The following ENOX1 variants were observed in gnomAD, a reference collection of about 807,000 sequenced individuals.
The protein encoded by ENOX1 is ecto-NOX disulfide-thiol exchanger 1, also known as candidate growth-related and time keeping constitutive hydroquinone (NADH) oxidase.
ENOX1 carries 42 observed loss-of-function variants against 82.5 expected under a neutral mutation model. The observed-to-expected ratio is 0.51, with a 90% CI of 0.40 to 0.66. The LOEUF (loss-of-function observed/expected upper bound fraction) is 0.66. Ranked by LOEUF, ENOX1 falls within the 30% of genes least tolerant of loss-of-function variation. The pLI, the probability that ENOX1 is intolerant of heterozygous loss-of-function variation, is 0.00. For synonymous variants in ENOX1, 271 were observed against 282.2 expected, an observed-to-expected ratio of 0.96 and a Z score of 0.40; for missense variants, 608 against 811.6, an observed-to-expected ratio of 0.75 and a Z score of 3.05.
chr13:43,631,188 C>T (rs1351263629), intron 2 of ENOX1, among the ~76,000 whole-genome samples: 2 of 152,038 alleles, frequency 1.3e-5, no homozygotes, highest in Admixed American at 1.3e-4. Flanking sequence ...AATGCATGTC[C>T]TTTTCCATAA....
intron 1 of ENOX1, among the ~76,000 whole-genome samples, chr13:43,758,570 T>C (rs1340819084): frequency 6.6e-6 from 1 of 152,240 alleles, no homozygotes; most frequent in Non-Finnish European, 1.5e-5. Flanking sequence ...ATCCTGACTG[T>C]GATATTGCAC....
At position 43,535,136 on chromosome 13, in the gene ENOX1, T is replaced by C. The variant is rs550768368; in HGVS notation, c.-218-50984A>G. Reference sequence around the variant, plus strand: ...CACACAATTGTCATAGAGATTACACTACAGAGTACATATAAAGTGCTTAGT... The same window carrying C: ...CACACAATTGTCATAGAGATTACACCACAGAGTACATATAAAGTGCTTAGT... On this transcript the variant is annotated intron_variant, in intron 2 of 16. Transcript: ENST00000690772. Among the ~76,000 whole-genome samples, 3 of 152,302 alleles carry C rather than the reference T, an allele frequency of 2.0e-5. No individual in the cohort carries two copies. In the East Asian group the frequency reaches 5.8e-4, roughly 29 times the overall value.
In ENOX1 at chr13:43,539,271, T is replaced by C. The variant is rs118175937; in HGVS notation, c.-218-55119A>G. On this transcript the variant is annotated intron_variant, in intron 2 of 16. Coordinates refer to ENST00000690772, the MANE Select transcript of ENOX1 (RefSeq NM_001347969.2). Reference sequence around the variant, plus strand: ...TTCTAAGTTTTTGAGATGAATGTTGTTTAATTTTTAGTCTTCCTTTGAACA... The same window carrying C: ...TTCTAAGTTTTTGAGATGAATGTTGCTTAATTTTTAGTCTTCCTTTGAACA... Among the ~76,000 whole-genome samples, 1,314 of 152,332 alleles carry C rather than the reference T, an allele frequency of 8.6e-3. 8 individuals are homozygous for C. Among genetic ancestry groups the C allele is most frequent in the Non-Finnish European group, 0.015 (990 of 68,018 alleles).
At chr13:43,346,001 C>A (rs913532925) in intron 8 of ENOX1, among the ~76,000 whole-genome samples, 2 of 152,152 alleles carry the variant, frequency 1.3e-5, no homozygotes, top group African/African-American at 4.8e-5. Context: ...GGGGGAGATG[C>A]ATGCTTGAGA....
intron 1 of ENOX1, among the ~76,000 whole-genome samples, chr13:43,706,587 T>C (rs1396207729): frequency 6.6e-6 from 1 of 151,934 alleles, no homozygotes; most frequent in East Asian, 1.9e-4. Flanking sequence ...ACAAGATTAG[T>C]TCAACATTCA....
At chr13:43,715,586 C>T (rs936164549) in intron 1 of ENOX1, among the ~76,000 whole-genome samples, 11 of 152,244 alleles carry the variant, frequency 7.2e-5, no homozygotes, top group African/African-American at 2.2e-4. Context: ...CCATTCTCCC[C>T]GTCACTTTCA....
intron 2 of ENOX1, among the ~76,000 whole-genome samples, chr13:43,554,285 G>A (rs1490439938): frequency 6.6e-6 from 1 of 152,134 alleles, no homozygotes; most frequent in Non-Finnish European, 1.5e-5. Flanking sequence ...GCAAAAATAG[G>A]GAGCCACATT....
intron 3 of ENOX1, chr13:43,458,962 G>A (rs2057346781): frequency 1.3e-5 from 2 of 152,078 alleles, no homozygotes; most frequent in South Asian, 4.1e-4. Flanking sequence ...GGAAAAGACT[G>A]GATGAGTTGC....
chr13:43,536,360 A>C (rs371920449), intron 2 of ENOX1, among the ~76,000 whole-genome samples: 27 of 152,204 alleles, frequency 1.8e-4, no homozygotes, highest in East Asian at 5.8e-4. Context: ...TGAATGAAGC[A>C]GGTAACTAGC....
intron 11 of ENOX1, among the ~76,000 whole-genome samples, chr13:43,313,673 A>C (rs181129038): frequency 2.0e-5 from 3 of 152,322 alleles, no homozygotes; most frequent in African/African-American, 7.2e-5. Flanking sequence ...TTTTCCCCTA[A>C]CATAAATTGT....
rs539914189 is a variant in ENOX1, at chr13:43,666,345, C to T, written c.-219+1134G>A. ...GATGCTGCAATCCAAATCTCTCATACATATGAATGTGACATTTTTAGAAAT... is the reference window on the plus strand; with the variant it reads ...GATGCTGCAATCCAAATCTCTCATATATATGAATGTGACATTTTTAGAAAT... On this transcript the variant is annotated intron_variant, in intron 2 of 16. Transcript: ENST00000690772. 2.6e-5 allele frequency among the ~76,000 whole-genome samples: 4 copies of T among 152,292 alleles called. No individual in the cohort carries two copies. The South Asian group carries it at 8.3e-4, about 32-fold the overall frequency.
Position 43,489,489 on chromosome 13 carries a change from C to T in ENOX1, c.-218-5337G>A, listed in dbSNP as rs572659878. On this transcript the variant is annotated intron_variant, in intron 2 of 16. Transcript: ENST00000690772. ...GCCTTGGGACCTAGGCATGAACTTG[C>T]TTGCCACAGAGGTAGGACCATGGCA... 7.9e-5 allele frequency among the ~76,000 whole-genome samples: 12 copies of T among 152,262 alleles called. No homozygotes were observed. The South Asian group carries it at 2.5e-3, about 32-fold the overall frequency.
intron 14 of ENOX1, among the ~76,000 whole-genome samples, chr13:43,251,105 G>A (rs2043430301): frequency 6.6e-6 from 1 of 152,200 alleles, no homozygotes; most frequent in Non-Finnish European, 1.5e-5. Context: ...TAAAGTTCGA[G>A]AAGCATAGCC....
intron 2 of ENOX1, among the ~76,000 whole-genome samples, chr13:43,487,445 T>C (rs1031480205): frequency 6.6e-6 from 1 of 152,196 alleles, no homozygotes; most frequent in African/African-American, 2.4e-5. Context: ...TTCATGAAAT[T>C]AGACATTATT....
intron 2 of ENOX1, among the ~76,000 whole-genome samples, chr13:43,628,850 A>G (rs2149688): frequency 0.036 from 5,453 of 152,158 alleles, 303 homozygotes; most frequent in African/African-American, 0.12. Flanking sequence ...CCAAGTGGGA[A>G]TTTATTTTAA....
intron 14 of ENOX1, among the ~76,000 whole-genome samples, chr13:43,247,856 TATATATATATATA>T (rs1566329128): frequency 0.027 from 115 of 4,322 alleles, 12 homozygotes; most frequent in Non-Finnish European, 0.046. Context: ...TATATATATA[TATATATATATATA>T]TATATATATA....
intron 1 of ENOX1, among the ~76,000 whole-genome samples, chr13:43,730,588 C>T (rs921267554): frequency 2.6e-5 from 4 of 152,166 alleles, no homozygotes; most frequent in Admixed American, 2.0e-4. Flanking sequence ...CAAGAAATCC[C>T]CAGAAGTCCC....
intron 2 of ENOX1, among the ~76,000 whole-genome samples, chr13:43,493,346 A>G (rs562891079): frequency 6.6e-6 from 1 of 152,346 alleles, no homozygotes; most frequent in South Asian, 2.1e-4. Context: ...AGAAGCTGAT[A>G]GCAAGGCTCA....
intron 14 of ENOX1, among the ~76,000 whole-genome samples, chr13:43,247,419 G>A (rs1046260101): frequency 3.9e-5 from 6 of 152,106 alleles, no homozygotes; most frequent in Admixed American, 2.0e-4. Flanking sequence ...TGAGGGTGAT[G>A]AGCTCTCACC....
Sources: gnomAD v4.1 joint callset for allele counts (sites outside exome capture counted in the v4.1 genomes callset) on GRCh38, gnomAD v4.1.1 for gene constraint, MANE v1.5 for transcripts, NCBI Gene and HGNC (gene_info 2026-07-23, HGNC 2026-07-21) for gene names.